Variants in SH3BP5 observed in about 807,000 individuals in gnomAD.
SH3BP5 encodes SH3 domain-binding protein 5.
A neutral mutation model predicts 43.3 loss-of-function variants in SH3BP5; 22 were observed. The observed-to-expected ratio is 0.51, with a 90% CI of 0.36 to 0.73. SH3BP5 has a LOEUF of 0.73. Ranked by LOEUF, SH3BP5 falls within the 30% of genes least tolerant of loss-of-function variation. The probability of loss-of-function intolerance (pLI) is 0.00; values close to 1 mark genes in which losing one functional copy is unlikely to be tolerated. For synonymous variants in SH3BP5, 255 were observed against 225.8 expected (o/e 1.13, Z -1.16); for missense variants, 529 against 586.9 (o/e 0.90, Z 1.02).
intron 2 of SH3BP5, 167 bp from the exon 3 acceptor site, chr3:15,304,398 T>C (rs1166661202): frequency 1.9e-6 from 2 of 1,052,820 alleles, no homozygotes; most frequent in East Asian, 5.2e-5. Context: ...CCAAAACAGC[T>C]TCCTGCCACG....
At chr3:15,261,713 AC>A (rs1482325418) in intron 5 of SH3BP5, among the ~76,000 whole-genome samples, 2 of 148,906 alleles carry the variant, frequency 1.3e-5, no homozygotes, top group African/African-American at 5.1e-5. Context: ...AAAAAAAAAA[AC>A]TCTACTAAAG....
intron 2 of SH3BP5, among the ~76,000 whole-genome samples, chr3:15,305,453 G>T (rs1379667709): frequency 2.6e-5 from 4 of 151,406 alleles, no homozygotes; most frequent in African/African-American, 9.8e-5. Context: ...AGCCTGGTGG[G>T]TGAGGTAGGT....
At chr3:15,330,644 A>G in intron 1 of SH3BP5, 78 bp from the exon 2 acceptor site, 1 of 1,391,918 alleles carries the variant, frequency 7.2e-7, no homozygotes, top group Non-Finnish European at 9.4e-7. Flanking sequence ...CCATAACCTG[A>G]AAAATTACCC....
At chr3:15,269,569 G>C in intron 4 of SH3BP5, 144 bp downstream of exon 4, 1 of 843,372 alleles carries the variant, frequency 1.2e-6, no homozygotes, top group Non-Finnish European at 1.8e-6. Context: ...GCGCAGCCAA[G>C]AGATCATACG....
chr3:15,273,289 CA>C (rs1191457082), intron 3 of SH3BP5: 15 of 985,282 alleles, frequency 1.5e-5, no homozygotes, highest in African/African-American at 7.0e-5. Flanking sequence ...TTTCTTCAAG[CA>C]AGAAAAGATG....
intron 2 of SH3BP5, among the ~76,000 whole-genome samples, chr3:15,318,040 G>A (rs1407391827): frequency 6.6e-6 from 1 of 152,126 alleles, no homozygotes; most frequent in African/African-American, 2.4e-5. Flanking sequence ...ATACATCCTG[G>A]CTCTACCACT....
At chr3:15,288,276 A>T (rs1334853080) in intron 3 of SH3BP5, among the ~76,000 whole-genome samples, 1 of 152,258 alleles carries the variant, frequency 6.6e-6, no homozygotes, top group Non-Finnish European at 1.5e-5. Context: ...CCCTCGCAGT[A>T]ACAACCAGAA....
At chr3:15,265,559 C>CAA (rs1553613899) in intron 4 of SH3BP5, among the ~76,000 whole-genome samples, 2 of 142,820 alleles carry the variant, frequency 1.4e-5, no homozygotes, top group Non-Finnish European at 3.1e-5. Context: ...CACACACACA[C>CAA]AACCCTCCAG....
At position 15,256,954 on chromosome 3, in the gene SH3BP5, G is replaced by A. The variant is rs1361635187; in HGVS notation, c.1049C>T (p.Pro350Leu). The A allele has an allele frequency of 6.2e-7, 1 of 1,614,078 alleles. No homozygotes were observed. The highest frequency in any genetic ancestry group is 8.5e-7 in the Non-Finnish European group (1 of 1,180,038). ...AAACTCTGACAGGGACACAGGGCTG[G>A]GCAGATCCAGGCTGCCAGGCCTCAC... is the stretch of plus-strand genomic sequence containing the variant. ...AVVRPGSLDL[P>L]SPVSLSEFGM... is the part of the protein sequence containing the mutation. The change falls in exon 8 of 9, where the codon CCC (proline) becomes CTC (leucine). Residue 350 changes from proline to leucine, a missense_variant. Transcript: ENST00000383791.
chr3:15,331,677 G>T (rs1322897414), intron 1 of SH3BP5: 1 of 152,280 alleles, frequency 6.6e-6, no homozygotes, highest in Non-Finnish European at 1.5e-5. Context: ...GGAAAAGCAG[G>T]GTTTTAAGCA....
intron 4 of SH3BP5, among the ~76,000 whole-genome samples, chr3:15,265,917 G>T (rs1696630590): frequency 6.6e-6 from 1 of 152,054 alleles, no homozygotes; most frequent in South Asian, 2.1e-4. Context: ...GGCACCACTG[G>T]GCACTGATTG....
chr3:15,304,314 C>G, intron 2 of SH3BP5, 83 bp from the exon 3 acceptor site: 1 of 1,604,554 alleles, frequency 6.2e-7, no homozygotes. Flanking sequence ...ACAGAAACAT[C>G]AACAAAGGAC....
upstream of SH3BP5, chr3:15,333,020 G>T: frequency 1.2e-6 from 1 of 858,188 alleles, no homozygotes; most frequent in Non-Finnish European, 1.4e-6. Flanking sequence ...GTGCACTGAT[G>T]CATTGCCGAA....
upstream of SH3BP5, among the ~76,000 whole-genome samples, chr3:15,336,304 A>T (rs1173659350): frequency 6.6e-6 from 1 of 152,142 alleles, no homozygotes; most frequent in Non-Finnish European, 1.5e-5. Flanking sequence ...CCAGGGAGAG[A>T]GGGAGGGAGA....
At chr3:15,329,975 T>G (rs1448530960) in intron 2 of SH3BP5, among the ~76,000 whole-genome samples, 1 of 152,188 alleles carries the variant, frequency 6.6e-6, no homozygotes, top group Non-Finnish European at 1.5e-5. Flanking sequence ...CTAAACAGCT[T>G]TTTGTTACCA....
At chr3:15,282,285 G>A (rs1697152587) in intron 3 of SH3BP5, among the ~76,000 whole-genome samples, 1 of 152,204 alleles carries the variant, frequency 6.6e-6, no homozygotes, top group Non-Finnish European at 1.5e-5. Flanking sequence ...AGGGACCCAT[G>A]AGGAAAGTTC....
chr3:15,320,642 C>CACACACACACACACA (rs1553619765), intron 2 of SH3BP5, among the ~76,000 whole-genome samples: 6 of 25,788 alleles, frequency 2.3e-4, no homozygotes, highest in African/African-American at 8.4e-4. Context: ...ACACACACAC[C>CACACACACACACACA]CCACTACGTT....
intron 6 of SH3BP5, chr3:15,259,504 T>C (rs777012149): frequency 1.7e-6 from 1 of 584,460 alleles, no homozygotes; most frequent in Non-Finnish European, 3.1e-6. Flanking sequence ...GTGATGCTGA[T>C]GCTGCTGGTC....
chr3:15,299,805 C>G (rs948754366), intron 3 of SH3BP5, among the ~76,000 whole-genome samples: 1 of 144,804 alleles, frequency 6.9e-6, no homozygotes, highest in African/African-American at 2.8e-5. Flanking sequence ...ACTGGATATT[C>G]CAGTGGATAG....
Sources: allele counts gnomAD v4.1 joint callset (sites outside exome capture counted in the v4.1 genomes callset), GRCh38; gene constraint gnomAD v4.1.1; transcripts MANE v1.5; gene names NCBI Gene and HGNC (gene_info 2026-07-23, HGNC 2026-07-21).